Variants in GPM6B observed in about 807,000 individuals in gnomAD.
GPM6B encodes glycoprotein M6B, also known as neuronal membrane glycoprotein M6-b.
In GPM6B, 4 loss-of-function variants were observed where a neutral mutation model predicts 27.2. That is an observed-to-expected ratio of 0.15 (90% CI 0.07 to 0.34). The LOEUF (loss-of-function observed/expected upper bound fraction) is 0.34, where lower values mean the gene tolerates loss of function less well. Ranked by LOEUF, GPM6B falls within the 10% of genes least tolerant of loss-of-function variation. The pLI is 1.00. For synonymous variants in GPM6B, 124 were observed against 103.1 expected (o/e 1.20, Z -1.23); for missense variants, 183 against 261.9 (o/e 0.70, Z 2.08).
rs761891419 is a variant in GPM6B at position 13,877,824 on chromosome X, C to CAAAAAAAAAAAAAAAAAAAAAAAAAAA, written c.-198+60476_-198+60502dup. ...CCTGGGCATTAGAGCCAGACTCTGC[C>CAAAAAAAAAAAAAAAAAAAAAAAAAAA]AAAAAAAAAAAAAAAAAAAAAAAAA... On this transcript the variant is annotated intron_variant, in intron 1 of 6. Transcript: ENST00000398361. 2.2e-4 allele frequency among the ~76,000 whole-genome samples: 6 copies of CAAAAAAAAAAAAAAAAAAAAAAAAAAA among 27,466 alleles called. 1 individual carries two copies. Among genetic ancestry groups the CAAAAAAAAAAAAAAAAAAAAAAAAAAA allele is most frequent in the Non-Finnish European group, 2.7e-4 (5 of 18,487 alleles). The allele number at this position is 27,466 out of a possible 115,157, so 23.9% of individuals were successfully genotyped here.
intron 1 of GPM6B, among the ~76,000 whole-genome samples, chrX:13,844,620 T>G (rs771055577): frequency 8.9e-6 from 1 of 112,092 alleles, no homozygotes; most frequent in East Asian, 2.8e-4. Context: ...ACACAAAGAC[T>G]TGGAGCCCAA....
intron 2 of GPM6B, among the ~76,000 whole-genome samples, chrX:13,789,058 ACT>A (rs1056944165): frequency 5.4e-5 from 6 of 111,511 alleles, no homozygotes; most frequent in Non-Finnish European, 9.4e-5. Context: ...CACAGATAAA[ACT>A]CTTACGGACT....
chrX:13,899,992 G>A (rs1451696688), intron 1 of GPM6B, among the ~76,000 whole-genome samples: 1 of 112,100 alleles, frequency 8.9e-6, no homozygotes, highest in Non-Finnish European at 1.9e-5. Flanking sequence ...TAAATCATAA[G>A]TAGAACTTCA....
intron 1 of GPM6B, among the ~76,000 whole-genome samples, chrX:13,892,843 G>A (rs1187087890): frequency 8.9e-6 from 1 of 111,842 alleles, no homozygotes; most frequent in African/African-American, 3.2e-5. Flanking sequence ...CTGAGGTCAG[G>A]AATTCAAGAC....
Position 13,860,438 on chromosome X carries a change from GTTT to G in GPM6B, c.-197-74633_-197-74631del, listed in dbSNP as rs34401183. Among the ~76,000 whole-genome samples the G allele has an allele frequency of 1.3e-3, 112 of 86,297 alleles. 1 individual carries two copies. Among genetic ancestry groups the G allele is most frequent in the African/African-American group, 4.5e-3 (105 of 23,421 alleles). The allele number at this position is 86,297 out of a possible 115,157, so 74.9% of individuals were successfully genotyped here. ...AGTCACTACAATCCCAAAACGTGGGGTTTTTTTTTTTTTTTTTGCTCTCAAAGA... is the reference window on the plus strand; with the variant it reads ...AGTCACTACAATCCCAAAACGTGGGGTTTTTTTTTTTTTTGCTCTCAAAGA... On this transcript the variant is annotated intron_variant, in intron 1 of 6. Coordinates refer to the GPM6B transcript ENST00000398361.
At chrX:13,870,425 T>C (rs2049962954) in intron 1 of GPM6B, among the ~76,000 whole-genome samples, 1 of 112,151 alleles carries the variant, frequency 8.9e-6, no homozygotes, top group South Asian at 3.7e-4. Context: ...TCTGAACCAG[T>C]AGGTCTGAGG....
At chrX:13,839,713 G>A in intron 1 of GPM6B, among the ~76,000 whole-genome samples, 1 of 111,555 alleles carries the variant, frequency 9.0e-6, no homozygotes. Context: ...GGTCTTCTAG[G>A]AATTAAAGCC....
At chrX:13,928,669 T>G (rs1271943091) in intron 1 of GPM6B, among the ~76,000 whole-genome samples, 2 of 112,801 alleles carry the variant, frequency 1.8e-5, no homozygotes, top group African/African-American at 6.4e-5. Flanking sequence ...ATGCCTGAAT[T>G]TAAGCACCCA....
intron 1 of GPM6B, among the ~76,000 whole-genome samples, chrX:13,812,605 C>T (rs2049159268): frequency 9.0e-6 from 1 of 111,531 alleles, no homozygotes; most frequent in Admixed American, 9.5e-5. Flanking sequence ...CATGGGGACA[C>T]TGGTTATTTT....
chrX:13,859,983 T>C (rs1603087963), intron 1 of GPM6B, among the ~76,000 whole-genome samples: 2 of 111,633 alleles, frequency 1.8e-5, no homozygotes, highest in East Asian at 5.6e-4. Flanking sequence ...TTCTTCCCCA[T>C]CCTCCATTCC....
At chrX:13,906,946 T>A (rs778222065) in intron 1 of GPM6B, among the ~76,000 whole-genome samples, 1 of 112,276 alleles carries the variant, frequency 8.9e-6, no homozygotes. Flanking sequence ...TCAGGAATGA[T>A]GGTCATAAAA....
chrX:13,889,343 T>C (rs1370859026), intron 1 of GPM6B: 2 of 111,859 alleles, frequency 1.8e-5, no homozygotes, highest in East Asian at 2.8e-4. Context: ...TATGTACTAG[T>C]AGTAAAACCA....
At chrX:13,906,294 A>G (rs2050330463) in intron 1 of GPM6B, among the ~76,000 whole-genome samples, 3 of 112,085 alleles carry the variant, frequency 2.7e-5, no homozygotes, top group African/African-American at 9.7e-5. Context: ...ACTGCTTGTT[A>G]CAAATTTGAG....
At chrX:13,831,108 C>CTA (rs1298780143) in intron 1 of GPM6B, among the ~76,000 whole-genome samples, 5 of 106,984 alleles carry the variant, frequency 4.7e-5, no homozygotes, top group African/African-American at 1.7e-4. Flanking sequence ...GCTATGGATA[C>CTA]TATAGTACAA....
At chrX:13,866,784 A>G (rs1300218144) in intron 1 of GPM6B, among the ~76,000 whole-genome samples, 3 of 112,223 alleles carry the variant, frequency 2.7e-5, no homozygotes, top group Non-Finnish European at 5.6e-5. Context: ...TTAGCATTAT[A>G]GTGAAGACAA....
At chrX:13,791,179 T>C (rs982532245) in intron 2 of GPM6B, among the ~76,000 whole-genome samples, 1 of 111,179 alleles carries the variant, frequency 9.0e-6, no homozygotes, top group African/African-American at 3.3e-5. Context: ...GATGTATTCA[T>C]GTAAAAAAAT....
chrX:13,914,774 A>T (rs1487770434), intron 1 of GPM6B, among the ~76,000 whole-genome samples: 1 of 111,916 alleles, frequency 8.9e-6, no homozygotes, highest in Non-Finnish European at 1.9e-5. Flanking sequence ...AAGCATCCAT[A>T]CAGCAAACTG....
chrX:13,774,715 G>C (rs1438914037), intron 7 of GPM6B: 2 of 651,076 alleles, frequency 3.1e-6, no homozygotes, highest in South Asian at 2.4e-5. Flanking sequence ...ACGGGTGCCT[G>C]CTCATAGTCT....
chrX:13,829,497 A>C (rs1295040176), intron 1 of GPM6B, among the ~76,000 whole-genome samples: 2 of 111,459 alleles, frequency 1.8e-5, no homozygotes, highest in African/African-American at 6.5e-5. Context: ...TAGAGAGAGG[A>C]AAGACTAGCT....
Sources: gnomAD v4.1 joint callset for allele counts (sites outside exome capture counted in the v4.1 genomes callset) on GRCh38, gnomAD v4.1.1 for gene constraint, MANE v1.5 for transcripts, NCBI Gene and HGNC (gene_info 2026-07-23, HGNC 2026-07-21) for gene names.